Variants in LIMD1 observed in about 807,000 individuals in gnomAD.
LIMD1 encodes LIM domain containing 1.
A neutral mutation model predicts 58.4 loss-of-function variants in LIMD1; 23 were observed. The ratio of observed to expected loss-of-function variants is 0.39; its 90% confidence interval spans 0.28 to 0.56. LIMD1 has a LOEUF of 0.56. LIMD1 is among the 20% of genes least tolerant of loss of function. The probability of loss-of-function intolerance (pLI) is 0.57; values close to 1 mark genes in which losing one functional copy is unlikely to be tolerated. For synonymous variants in LIMD1, 334 were observed against 345.5 expected (o/e 0.97, Z 0.37); for missense variants, 838 against 855.5 (o/e 0.98, Z 0.25).
At chr3:45,643,983 T>C (rs1359380827) in intron 2 of LIMD1, among the ~76,000 whole-genome samples, 1 of 152,218 alleles carries the variant, frequency 6.6e-6, no homozygotes, top group Non-Finnish European at 1.5e-5. Flanking sequence ...CCATTGCTCA[T>C]TTCACCTTCC....
intron 1 of LIMD1, among the ~76,000 whole-genome samples, chr3:45,630,483 C>T (rs1559518586): frequency 6.6e-6 from 1 of 152,212 alleles, no homozygotes; most frequent in Non-Finnish European, 1.5e-5. Context: ...AGAAGGCACG[C>T]ACCTGCAGGG....
intron 4 of LIMD1, among the ~76,000 whole-genome samples, chr3:45,671,039 T>A (rs1054195163): frequency 6.6e-6 from 1 of 152,220 alleles, no homozygotes; most frequent in Non-Finnish European, 1.5e-5. Flanking sequence ...TAAATTAATT[T>A]AAGGATCTCT....
At chr3:45,610,060 C>T (rs55913699) in intron 1 of LIMD1, among the ~76,000 whole-genome samples, 4,318 of 152,230 alleles carry the variant, frequency 0.028, 213 homozygotes, top group African/African-American at 0.098. Context: ...GGCATGATGG[C>T]GCGCGCCTGT....
intron 1 of LIMD1, among the ~76,000 whole-genome samples, chr3:45,607,178 C>T (rs7630720): frequency 0.028 from 4,222 of 152,224 alleles, 201 homozygotes; most frequent in African/African-American, 0.096. Flanking sequence ...AACAGGTCAC[C>T]GAAATTTCCA....
chr3:45,655,678 G>C (rs1702020557), intron 2 of LIMD1, among the ~76,000 whole-genome samples: 1 of 152,134 alleles, frequency 6.6e-6, no homozygotes, highest in Non-Finnish European at 1.5e-5. Flanking sequence ...AAACTCACCT[G>C]GTGGTTCTGA....
chr3:45,655,954 A>G (rs978710597), intron 2 of LIMD1, among the ~76,000 whole-genome samples: 1 of 152,208 alleles, frequency 6.6e-6, no homozygotes, highest in Admixed American at 6.5e-5. Flanking sequence ...ACAAATCCTT[A>G]TGTTGAATCT....
chr3:45,602,680 G>A (rs1177292023), intron 1 of LIMD1, among the ~76,000 whole-genome samples: 1 of 151,572 alleles, frequency 6.6e-6, no homozygotes, highest in African/African-American at 2.4e-5. Context: ...AGGGTTAAAC[G>A]AGCAGTCCAA....
chr3:45,674,995 A>G (rs1322677156), intron 7 of LIMD1, among the ~76,000 whole-genome samples: 1 of 152,234 alleles, frequency 6.6e-6, no homozygotes, highest in Admixed American at 6.5e-5. Context: ...AAGGGTGACC[A>G]TGGAATTTCA....
intron 2 of LIMD1, among the ~76,000 whole-genome samples, chr3:45,642,258 C>A (rs1391374345): frequency 1.3e-5 from 2 of 152,016 alleles, no homozygotes; most frequent in Non-Finnish European, 2.9e-5. Flanking sequence ...TCACTGCAGC[C>A]TTGAACTCCT....
intron 1 of LIMD1, chr3:45,635,760 A>AAAAAT (rs1701780453): frequency 4.2e-6 from 1 of 236,732 alleles, no homozygotes; most frequent in Non-Finnish European, 6.7e-6. Flanking sequence ...AAAAAAAAAA[A>AAAAAT]GGGAGGAAAA....
At chr3:45,616,391 A>C (rs1178741004) in intron 1 of LIMD1, among the ~76,000 whole-genome samples, 2 of 152,168 alleles carry the variant, frequency 1.3e-5, no homozygotes, top group African/African-American at 2.4e-5. Context: ...AGCCTTCCCA[A>C]AGACCTGACC....
At chr3:45,600,623 T>C (rs1701402333) in intron 1 of LIMD1, among the ~76,000 whole-genome samples, 1 of 152,192 alleles carries the variant, frequency 6.6e-6, no homozygotes, top group Admixed American at 6.5e-5. Flanking sequence ...CACCACCTAG[T>C]GCAGTGTGGC....
In LIMD1 at chr3:45,595,257, G is replaced by T. The variant is rs372781042; in HGVS notation, c.378G>T (p.Pro126=). 2.0e-5 allele frequency: 32 copies of T among 1,610,660 alleles called. No homozygotes were observed. The East Asian group carries it at 6.0e-4, about 30-fold the overall frequency. ...CCACCCTCGCTGCTGGGCAGCCCCC[G>T]TACCCACCGCAGGAGCAGAGATCCA... ...AVTTLAAGQP[P]YPPQEQRSRP... Residue 126 remains proline, a synonymous_variant, in exon 1 of 8, where the codon CCG becomes CCT. Transcript: ENST00000273317.
intron 1 of LIMD1, among the ~76,000 whole-genome samples, chr3:45,617,199 A>G (rs907249581): frequency 2.0e-5 from 3 of 150,088 alleles, no homozygotes; most frequent in Non-Finnish European, 1.5e-5. Context: ...CCACCTGGCT[A>G]ATTTATTTTA....
intron 1 of LIMD1, among the ~76,000 whole-genome samples, chr3:45,596,555 A>C (rs1168051047): frequency 6.6e-6 from 1 of 152,158 alleles, no homozygotes; most frequent in Non-Finnish European, 1.5e-5. Flanking sequence ...GACTGCTCTC[A>C]GAAAAGAGAA....
intron 1 of LIMD1, among the ~76,000 whole-genome samples, chr3:45,605,599 G>C (rs1701461005): frequency 6.6e-6 from 1 of 152,210 alleles, no homozygotes; most frequent in South Asian, 2.1e-4. Context: ...CTGAGCTAAA[G>C]GCCAATTTGC....
intron 2 of LIMD1, among the ~76,000 whole-genome samples, chr3:45,646,855 G>A (rs1314319320): frequency 6.6e-6 from 1 of 151,868 alleles, no homozygotes; most frequent in Admixed American, 6.6e-5. Flanking sequence ...TTGTAGAGTT[G>A]GAGTCCCACT....
chr3:45,664,195 A>G (rs191141513), intron 2 of LIMD1, among the ~76,000 whole-genome samples: 11 of 151,994 alleles, frequency 7.2e-5, no homozygotes, highest in African/African-American at 2.7e-4. Context: ...TTGTAGAGAC[A>G]AAGTTTCACC....
intron 2 of LIMD1, among the ~76,000 whole-genome samples, chr3:45,659,022 A>G (rs1261275637): frequency 6.6e-6 from 1 of 152,172 alleles, no homozygotes; most frequent in Non-Finnish European, 1.5e-5. Flanking sequence ...TTTTAAGATT[A>G]AAAGTATTTT....
Sources: gnomAD v4.1 joint callset for allele counts (sites outside exome capture counted in the v4.1 genomes callset) on GRCh38, gnomAD v4.1.1 for gene constraint, MANE v1.5 for transcripts, NCBI Gene and HGNC (gene_info 2026-07-23, HGNC 2026-07-21) for gene names.